The following VPS41 variants were observed in gnomAD, a reference collection of about 807,000 sequenced individuals.
VPS41 encodes VPS41 subunit of HOPS complex, also known as vacuolar protein sorting-associated protein 41 homolog.
In VPS41, 85 loss-of-function variants were observed where a neutral mutation model predicts 130.9. That is an observed-to-expected ratio of 0.65 (90% confidence interval 0.55 to 0.78). The LOEUF (loss-of-function observed/expected upper bound fraction) is 0.78, where lower values mean the gene tolerates loss of function less well. VPS41 is among the 30% of genes least tolerant of loss of function. The pLI is 0.00. For missense variants in VPS41, 874 were observed against 1,018.7 expected (o/e 0.86, Z 1.93); for synonymous variants, 335 against 332.9 (o/e 1.01, Z -0.07).
intron 1 of VPS41, among the ~76,000 whole-genome samples, chr7:38,905,296 C>T (rs1787236098): frequency 6.6e-6 from 1 of 152,064 alleles, no homozygotes. Flanking sequence ...AAGATATGGA[C>T]AAATACTGTT....
At chr7:38,786,864 T>C (rs1195009921) in intron 10 of VPS41, among the ~76,000 whole-genome samples, 1 of 152,058 alleles carries the variant, frequency 6.6e-6, no homozygotes, top group Non-Finnish European at 1.5e-5. Context: ...CCCATATAGC[T>C]GAATCAAAAT....
At chr7:38,768,906 C>G (rs1784102403) in intron 14 of VPS41, among the ~76,000 whole-genome samples, 1 of 152,150 alleles carries the variant, frequency 6.6e-6, no homozygotes, top group South Asian at 2.1e-4. Context: ...CAAAAACTAC[C>G]ATCATCCCAG....
At chr7:38,739,728 T>C (rs1795845504) in intron 25 of VPS41, among the ~76,000 whole-genome samples, 2 of 152,168 alleles carry the variant, frequency 1.3e-5, no homozygotes, top group Non-Finnish European at 2.9e-5. Context: ...CATCTCTCCC[T>C]CACCCTCTGA....
rs751001657 is a variant in VPS41 at position 38,767,533 on chromosome 7, T to C, written c.1247+4A>G. On this transcript the variant is annotated splice_donor_region_variant and intron_variant, in intron 15 of 28. Coordinates refer to ENST00000310301, the MANE Select transcript of VPS41 (RefSeq NM_014396.4). The stretch of plus-strand genomic sequence containing the variant: ...ACAAATAATTGTGAAAATGTCATCA[T>C]TACCGTGCTGCTATGTCATAGTCTC... 5.0e-6 allele frequency: 8 copies of C among 1,594,366 alleles called. No homozygotes were observed. The highest frequency in any genetic ancestry group is 4.5e-5 in the South Asian group (4 of 89,196).
At position 38,862,560 on chromosome 7, in the gene VPS41, A is replaced by G; in HGVS notation, c.231T>C (p.Thr77=). Residue 77 remains threonine, a synonymous_variant, in exon 4 of 29, where the codon ACT becomes ACC. Transcript: ENST00000310301. ...GAATACTTACTACATCAAACTTCTG[A>G]GTGATGTTCCCCTGGACATCAAGTA... The part of the protein sequence containing the change: ...VYLLDVQGNI[T]QKFDVSPVKI... 1.9e-6 allele frequency: 3 copies of G among 1,602,960 alleles called. No individual in the cohort carries two copies. Among genetic ancestry groups the G allele is most frequent in the Non-Finnish European group, 2.6e-6 (3 of 1,172,084 alleles).
chr7:38,827,977 C>T (rs539928199), intron 5 of VPS41, among the ~76,000 whole-genome samples: 3 of 151,934 alleles, frequency 2.0e-5, no homozygotes, highest in Admixed American at 6.6e-5. Flanking sequence ...TATTATTAGT[C>T]CAAGTTCCAA....
At chr7:38,862,496 T>C in intron 4 of VPS41, 49 bp downstream of exon 4, 2 of 1,181,246 alleles carry the variant, frequency 1.7e-6, no homozygotes, top group Non-Finnish European at 2.4e-6. Flanking sequence ...AAAACACAAA[T>C]ACTTAACATG....
At chr7:38,880,552 C>A (rs1249791261) in intron 2 of VPS41, among the ~76,000 whole-genome samples, 1 of 152,146 alleles carries the variant, frequency 6.6e-6, no homozygotes, top group Non-Finnish European at 1.5e-5. Context: ...CAGACTAAAC[C>A]CTTAAGCTCT....
rs1299847865 is a variant in VPS41, at chr7:38,740,114, A to C, written c.2259+1871T>G. ...GGAGGCTGGCGAAAAAGAAAGGCAC[A>C]ACTTTTAACCTAGTGCAAGCTTCTT... is the stretch of plus-strand genomic sequence containing the variant. On this transcript the variant is annotated intron_variant, in intron 25 of 28. Transcript: ENST00000310301. Among the ~76,000 whole-genome samples the C allele has an allele frequency of 9.2e-5, 14 of 152,312 alleles. No individual in the cohort carries two copies. The East Asian group carries it at 2.7e-3, about 29-fold the overall frequency.
chr7:38,873,668 G>C (rs991900373), intron 2 of VPS41, among the ~76,000 whole-genome samples: 1 of 152,134 alleles, frequency 6.6e-6, no homozygotes, highest in African/African-American at 2.4e-5. Flanking sequence ...GATATGAACA[G>C]AGTGACATTT....
At position 38,885,606 on chromosome 7, in the gene VPS41, G is replaced by C. The variant is rs560317084; in HGVS notation, c.60+12485C>G. Among the ~76,000 whole-genome samples, 8 of 152,186 alleles carry C rather than the reference G, an allele frequency of 5.3e-5. No individual in the cohort carries two copies. In the East Asian group the frequency reaches 1.4e-3, roughly 26 times the overall value. On this transcript the variant is annotated intron_variant, in intron 2 of 28. Coordinates refer to ENST00000310301, the MANE Select transcript of VPS41 (RefSeq NM_014396.4). ...CAAATATACTACCTGATAGGACTGTGGTCCATATTAAATGAGATAATCCAC... is the reference window on the plus strand; with the variant it reads ...CAAATATACTACCTGATAGGACTGTCGTCCATATTAAATGAGATAATCCAC...
chr7:38,848,461 C>G (rs746808235), intron 4 of VPS41, among the ~76,000 whole-genome samples: 1 of 151,998 alleles, frequency 6.6e-6, no homozygotes, highest in South Asian at 2.1e-4. Flanking sequence ...TACAATTGAA[C>G]ATTATTAAAG....
At chr7:38,838,600 AT>A (rs776847887) in intron 4 of VPS41, among the ~76,000 whole-genome samples, 2 of 152,252 alleles carry the variant, frequency 1.3e-5, no homozygotes, top group Admixed American at 6.5e-5. Context: ...ACTATAGAAC[AT>A]ACAAAAATGT....
At chr7:38,753,455 T>C (rs3801144) in intron 21 of VPS41, among the ~76,000 whole-genome samples, 51,315 of 151,740 alleles carry the variant, frequency 0.34, 9,386 homozygotes, top group Admixed American at 0.55. Context: ...GCCAGTCCAC[T>C]GGCACTGGGG....
intron 25 of VPS41, among the ~76,000 whole-genome samples, chr7:38,730,373 C>T (rs1052047031): frequency 6.6e-6 from 1 of 152,146 alleles, no homozygotes. Flanking sequence ...GTGAATCCAG[C>T]CGAAAGCCTT....
rs182580695 is a variant in VPS41, at chr7:38,739,861, T to G, written c.2259+2124A>C. The stretch of plus-strand genomic sequence containing the variant: ...ATACTTACATATCTTAAGGAAAAGC[T>G]CTAATTAAGAAAAAATATTTAGTAG... On this transcript the variant is annotated intron_variant, in intron 25 of 28. Coordinates refer to ENST00000310301, the MANE Select transcript of VPS41 (RefSeq NM_014396.4). Among the ~76,000 whole-genome samples the G allele has an allele frequency of 3.3e-5, 5 of 152,342 alleles. No homozygotes were observed. In the East Asian group the frequency reaches 9.6e-4, roughly 29 times the overall value.
intron 4 of VPS41, among the ~76,000 whole-genome samples, chr7:38,832,383 A>G (rs2108508): frequency 0.94 from 136,951 of 146,440 alleles, 64,191 homozygotes; most frequent in East Asian, 1. Flanking sequence ...GCAGCGGCAC[A>G]ATCTCAGCTC....
intron 14 of VPS41, among the ~76,000 whole-genome samples, chr7:38,770,656 G>A (rs775044074): frequency 1.8e-4 from 27 of 152,126 alleles, no homozygotes; most frequent in Non-Finnish European, 1.0e-4. Flanking sequence ...GGTCTCCAAG[G>A]ACCCTTCACA....
At chr7:38,883,192 G>A (rs1006234701) in intron 2 of VPS41, among the ~76,000 whole-genome samples, 9 of 152,202 alleles carry the variant, frequency 5.9e-5, no homozygotes, top group Non-Finnish European at 1.2e-4. Context: ...GCAGTGAGCC[G>A]AGATCGGCCG....
Sources: gnomAD v4.1 joint callset for allele counts (sites outside exome capture counted in the v4.1 genomes callset) on GRCh38, gnomAD v4.1.1 for gene constraint, MANE v1.5 for transcripts, NCBI Gene and HGNC (gene_info 2026-07-23, HGNC 2026-07-21) for gene names.